The following G2E3 variants were observed in gnomAD, a reference collection of about 807,000 sequenced individuals.
G2E3 encodes G2/M phase-specific E3 ubiquitin-protein ligase.
A neutral mutation model predicts 92.8 loss-of-function variants in G2E3; 35 were observed. The ratio of observed to expected loss-of-function variants is 0.38; its 90% CI spans 0.29 to 0.50. The LOEUF is 0.50. Among genes scored for constraint, G2E3 ranks in the 20% least tolerant of loss-of-function variants. The probability of loss-of-function intolerance (pLI) is 0.94; values close to 1 mark genes in which losing one functional copy is unlikely to be tolerated. For synonymous variants in G2E3, 242 were observed against 272.4 expected, an observed-to-expected ratio of 0.89 and a Z score of 1.10; for missense variants, 554 against 823.8, an observed-to-expected ratio of 0.67 and a Z score of 4.01.
intron 12 of G2E3, among the ~76,000 whole-genome samples, chr14:30,609,247 GTA>G (rs1409372151): frequency 6.6e-6 from 1 of 151,972 alleles, no homozygotes; most frequent in South Asian, 2.1e-4. Flanking sequence ...TAAAAAAAAA[GTA>G]TATTTAAGCT....
intron 2 of G2E3, among the ~76,000 whole-genome samples, chr14:30,584,213 C>G (rs985824223): frequency 6.6e-6 from 1 of 152,158 alleles, no homozygotes; most frequent in Non-Finnish European, 1.5e-5. Flanking sequence ...TACTTTCATC[C>G]TTTTTATTGC....
At chr14:30,560,248 A>T (rs531662307) in intron 1 of G2E3, 2 of 152,696 alleles carry the variant, frequency 1.3e-5, no homozygotes, top group East Asian at 3.8e-4. Context: ...TTAAATGTGT[A>T]CAAGTTTTAC....
intron 8 of G2E3, among the ~76,000 whole-genome samples, chr14:30,599,397 TTTGTATTTTTTAG>T (rs1338089060): frequency 4.6e-5 from 7 of 152,162 alleles, no homozygotes; most frequent in African/African-American, 9.7e-5. Flanking sequence ...CTGGCTAATT[TTTGTATTTTTTAG>T]TAGAGATCGG....
chr14:30,595,063 G>A (rs772900197), intron 6 of G2E3, among the ~76,000 whole-genome samples: 3 of 152,064 alleles, frequency 2.0e-5, no homozygotes, highest in Admixed American at 1.3e-4. Context: ...GCTTGAACCC[G>A]GGAGGTAGAG....
chr14:30,575,356 A>G (rs1422112718), intron 1 of G2E3, among the ~76,000 whole-genome samples: 3 of 152,158 alleles, frequency 2.0e-5, no homozygotes, highest in African/African-American at 4.8e-5. Context: ...TCAATAAACT[A>G]CATATTGAGG....
At chr14:30,583,754 T>C (rs1202399965) in intron 2 of G2E3, among the ~76,000 whole-genome samples, 1 of 152,244 alleles carries the variant, frequency 6.6e-6, no homozygotes, top group Non-Finnish European at 1.5e-5. Flanking sequence ...AACATCGTGC[T>C]AAACATTGTA....
intron 8 of G2E3, among the ~76,000 whole-genome samples, chr14:30,599,308 A>G (rs1465823008): frequency 6.6e-6 from 1 of 150,890 alleles, no homozygotes; most frequent in Admixed American, 6.6e-5. Context: ...GCTCACTGCA[A>G]CCTCTGCCTC....
intron 1 of G2E3, among the ~76,000 whole-genome samples, chr14:30,574,106 T>C (rs998092701): frequency 2.6e-5 from 4 of 152,302 alleles, no homozygotes; most frequent in Middle Eastern, 3.4e-3. Context: ...CACATTCACT[T>C]TATCATCCTG....
rs59672554 is a variant in G2E3 at position 30,596,135 on chromosome 14, C to CGTGTGT, written c.529-1260_529-1255dup. Among the ~76,000 whole-genome samples, 655 of 127,240 alleles carry CGTGTGT rather than the reference C, an allele frequency of 5.1e-3. 8 individuals carry two copies. Among genetic ancestry groups the CGTGTGT allele is most frequent in the East Asian group, 0.014 (60 of 4,258 alleles). The allele number at this position is 127,240 out of a possible 152,430, so 83.5% of individuals were successfully genotyped here. A position where few individuals can be genotyped will look rare whatever the true frequency, so the allele number is the denominator to read the frequency against. On this transcript the variant is annotated intron_variant, in intron 6 of 14. Coordinates refer to ENST00000206595, the MANE Select transcript of G2E3 (RefSeq NM_017769.5). ...ATGGGTGGGTGGGTGGGTGGGTGTG[C>CGTGTGT]GTGTGTGTGTGTGTGTGTGTGTGTG...
intron 1 of G2E3, chr14:30,560,733 C>T (rs1264833662): frequency 1.0e-5 from 7 of 695,106 alleles, no homozygotes; most frequent in African/African-American, 7.1e-5. Flanking sequence ...TGTGTATACA[C>T]TACCTTGAAG....
intron 1 of G2E3, among the ~76,000 whole-genome samples, chr14:30,569,605 A>G (rs1242341044): frequency 6.6e-6 from 1 of 152,136 alleles, no homozygotes; most frequent in Non-Finnish European, 1.5e-5. Context: ...CCTGAACTGT[A>G]GTAAAAAAGA....
At chr14:30,610,163 A>T (rs567016771) in intron 12 of G2E3, among the ~76,000 whole-genome samples, 1 of 152,146 alleles carries the variant, frequency 6.6e-6, no homozygotes, top group Non-Finnish European at 1.5e-5. Flanking sequence ...TTGTTCATTT[A>T]TTTAAGAAAT....
chr14:30,577,002 G>A (rs576085902), intron 1 of G2E3, among the ~76,000 whole-genome samples: 17 of 152,040 alleles, frequency 1.1e-4, no homozygotes, highest in East Asian at 1.9e-4. Context: ...AGAGGCAGGC[G>A]GATCATGAGG....
chr14:30,583,781 T>C (rs1227378871), intron 2 of G2E3, among the ~76,000 whole-genome samples: 1 of 152,206 alleles, frequency 6.6e-6, no homozygotes, highest in Non-Finnish European at 1.5e-5. Context: ...TACAGTTTTC[T>C]AAAAAAGGAT....
At chr14:30,595,188 C>T (rs774228052) in intron 6 of G2E3, among the ~76,000 whole-genome samples, 6 of 152,032 alleles carry the variant, frequency 3.9e-5, no homozygotes, top group Middle Eastern at 3.4e-3. Flanking sequence ...ATTAGAAATT[C>T]GGTTAATACT....
chr14:30,583,090 G>A (rs1431305314), intron 2 of G2E3, among the ~76,000 whole-genome samples: 1 of 152,152 alleles, frequency 6.6e-6, no homozygotes, highest in East Asian at 1.9e-4. Context: ...AAGGAAGATG[G>A]AGCAGTTAGG....
intron 1 of G2E3, among the ~76,000 whole-genome samples, chr14:30,575,991 C>G (rs1880063611): frequency 6.6e-6 from 1 of 152,172 alleles, no homozygotes; most frequent in African/African-American, 2.4e-5. Flanking sequence ...CTACCAACAA[C>G]ATTCTTCACA....
In G2E3 at chr14:30,600,710, G is replaced by GAGA. The variant is rs150045841; in HGVS notation, c.753-1054_753-1052dup. Among the ~76,000 whole-genome samples, 860 of 152,280 alleles carry GAGA rather than the reference G, an allele frequency of 5.6e-3. 10 individuals carry two copies. The highest frequency in any genetic ancestry group is 0.019 in the African/African-American group (789 of 41,548). ...TAATCTCACGCCCTCTCATCCTAGT[G>GAGA]AGAAGAAGGCAGTTTTAGTGAAAGG... On this transcript the variant is annotated intron_variant, in intron 8 of 14. Coordinates refer to ENST00000206595, the MANE Select transcript of G2E3 (RefSeq NM_017769.5).
At chr14:30,589,633 G>T in intron 4 of G2E3, 149 bp downstream of exon 4, 1 of 550,406 alleles carries the variant, frequency 1.8e-6, no homozygotes, top group South Asian at 2.7e-5. Flanking sequence ...AGTTTTAGGA[G>T]GACAGTTTAT....
Sources: gnomAD v4.1 joint callset for allele counts (sites outside exome capture counted in the v4.1 genomes callset) on GRCh38, gnomAD v4.1.1 for gene constraint, MANE v1.5 for transcripts, NCBI Gene and HGNC (gene_info 2026-07-23, HGNC 2026-07-21) for gene names.